TPTE2: variants seen among roughly 807,000 people sequenced by gnomAD.
The protein encoded by TPTE2 is phosphatidylinositol 3,4,5-trisphosphate 3-phosphatase TPTE2.
Under a neutral mutation model 78.6 loss-of-function variants are expected in TPTE2, and 53 were observed. That is an observed-to-expected ratio of 0.67 (90% confidence interval 0.54 to 0.85). The LOEUF (loss-of-function observed/expected upper bound fraction) is 0.85. Among genes scored for constraint, TPTE2 ranks in the 40% least tolerant of loss-of-function variants. The pLI, the probability that TPTE2 is intolerant of heterozygous loss-of-function variation, is 0.00. For missense variants in TPTE2, 461 were observed against 623.0 expected (o/e 0.74, Z 2.77); for synonymous variants, 175 against 206.2 (o/e 0.85, Z 1.30).
At chr13:19,426,840 G>A (rs889778541) in intron 17 of TPTE2, among the ~76,000 whole-genome samples, 6 of 151,904 alleles carry the variant, frequency 3.9e-5, no homozygotes, top group African/African-American at 1.2e-4. Context: ...AAGTAGCTGG[G>A]ACTATAGGCA....
chr13:19,561,402 G>C, the TPTE2 span: 1 of 445,690 alleles, frequency 2.2e-6, no homozygotes, highest in Non-Finnish European at 3.9e-6. Context: ...ACCTCCCGGG[G>C]CGCCGCGCCC....
intron 13 of TPTE2, among the ~76,000 whole-genome samples, chr13:19,442,369 T>C (rs1431195994): frequency 6.7e-6 from 1 of 149,142 alleles, no homozygotes; most frequent in Non-Finnish European, 1.5e-5. Flanking sequence ...TGGAACATAG[T>C]TTGAACTAAG....
chr13:19,466,605 T>C (rs1321719313), intron 7 of TPTE2, among the ~76,000 whole-genome samples: 1 of 152,210 alleles, frequency 6.6e-6, no homozygotes, highest in East Asian at 1.9e-4. Context: ...TGCCTAAGCT[T>C]TCTTTGTTTC....
chr13:19,506,716 A>G (rs1272017562), upstream of TPTE2, among the ~76,000 whole-genome samples: 2 of 152,238 alleles, frequency 1.3e-5, no homozygotes, highest in African/African-American at 4.8e-5. Context: ...ATTCTTCCTT[A>G]TAGCCTTCAT....
chr13:19,532,401 G>A (rs1203623466), intron 1 of TPTE2, among the ~76,000 whole-genome samples: 1 of 152,010 alleles, frequency 6.6e-6, no homozygotes, highest in African/African-American at 2.4e-5. Context: ...TTTTTCTTCT[G>A]CCTTCTGTTA....
intron 1 of TPTE2, among the ~76,000 whole-genome samples, chr13:19,494,740 T>C (rs373991123): frequency 3.0e-4 from 46 of 152,296 alleles, no homozygotes; most frequent in African/African-American, 1.1e-3. Flanking sequence ...CACCTGTCAC[T>C]GGGGGCTCTC....
At chr13:19,504,909 A>C (rs1008947913), upstream of TPTE2, among the ~76,000 whole-genome samples, 1 of 151,992 alleles carries the variant, frequency 6.6e-6, no homozygotes, top group African/African-American at 2.4e-5. Context: ...GTATATCTGC[A>C]CATACATTTC....
At chr13:19,499,346 ATTC>A (rs1413824608) in intron 1 of TPTE2, among the ~76,000 whole-genome samples, 1 of 152,072 alleles carries the variant, frequency 6.6e-6, no homozygotes, top group East Asian at 1.9e-4. Context: ...CAGAATATAC[ATTC>A]TTCTCAGCAC....
At chr13:19,458,624 T>A in intron 10 of TPTE2, 1 of 483,258 alleles carries the variant, frequency 2.1e-6, no homozygotes, top group East Asian at 5.7e-5. Context: ...ACCATGGAGA[T>A]TAGGCCCAGT....
chr13:19,431,135 A>G (rs1876566740), intron 16 of TPTE2, among the ~76,000 whole-genome samples: 1 of 151,934 alleles, frequency 6.6e-6, no homozygotes, highest in Non-Finnish European at 1.5e-5. Flanking sequence ...TCCAAAAAAA[A>G]AAAAAGAAAA....
intron 1 of TPTE2, among the ~76,000 whole-genome samples, chr13:19,521,719 A>T (rs958765518): frequency 5.3e-5 from 8 of 152,098 alleles, no homozygotes; most frequent in African/African-American, 1.9e-4. Context: ...TATGTAGTTC[A>T]TATTAATACC....
intron 3 of TPTE2, among the ~76,000 whole-genome samples, chr13:19,488,164 T>C (rs1373797789): frequency 6.6e-6 from 1 of 152,148 alleles, no homozygotes; most frequent in Non-Finnish European, 1.5e-5. Flanking sequence ...ATCTTAGACG[T>C]GTATTTGTTG....
intron 19 of TPTE2, among the ~76,000 whole-genome samples, chr13:19,423,408 T>C (rs1689962138): frequency 6.6e-6 from 1 of 152,204 alleles, no homozygotes; most frequent in African/African-American, 2.4e-5. Context: ...ATGGAATTAA[T>C]GACATCCAAG....
the TPTE2 span, among the ~76,000 whole-genome samples, chr13:19,545,538 A>G: frequency 6.6e-6 from 1 of 152,214 alleles, no homozygotes. Context: ...TCCCCCATCC[A>G]GTTCTCAGCA....
intron 10 of TPTE2, among the ~76,000 whole-genome samples, chr13:19,461,694 A>G (rs1428859782): frequency 6.6e-6 from 1 of 152,180 alleles, no homozygotes; most frequent in Non-Finnish European, 1.5e-5. Context: ...TGTTGGGTAC[A>G]TATATATTTA....
Position 19,425,903 on chromosome 13 carries a change from A to T in TPTE2, c.1395+522T>A, listed in dbSNP as rs138045117. 3.0e-3 allele frequency: 1,430 copies of T among 482,808 alleles called. 13 individuals are homozygous for T. Among genetic ancestry groups the T allele is most frequent in the African/African-American group, 0.025 (1,116 of 45,032 alleles). The allele number at this position is 482,808 out of a possible 1,614,324, so 29.9% of individuals were successfully genotyped here. On this transcript the variant is annotated intron_variant, in intron 18 of 19. Coordinates refer to ENST00000400230, the Ensembl canonical transcript of TPTE2. ...TGTGCTGCCTTCTCTGTTTCACCCA[A>T]CTGAGTCACCCAAACCTAACTCTTT...
rs187573853 is a variant in TPTE2 at position 19,441,257 on chromosome 13, G to A, written c.974-3104C>T. Among the ~76,000 whole-genome samples, 978 of 152,042 alleles carry A rather than the reference G, an allele frequency of 6.4e-3. 11 individuals carry two copies. Among genetic ancestry groups the A allele is most frequent in the African/African-American group, 0.023 (953 of 41,442 alleles). ...TCAAGGTGGCAATAATGGACCCTGG[G>A]GAGTTCTAGACGGGGCACAGCAGAA... On this transcript the variant is annotated intron_variant, in intron 13 of 19. Coordinates refer to ENST00000400230, the Ensembl canonical transcript of TPTE2.
intron 6 of TPTE2, among the ~76,000 whole-genome samples, chr13:19,470,252 T>C (rs944089789): frequency 6.6e-6 from 1 of 152,220 alleles, no homozygotes; most frequent in Non-Finnish European, 1.5e-5. Flanking sequence ...TGTTGAATTT[T>C]ATCAAATGCA....
chr13:19,470,109 T>C (rs563970385), intron 6 of TPTE2, among the ~76,000 whole-genome samples: 2 of 152,196 alleles, frequency 1.3e-5, no homozygotes, highest in Non-Finnish European at 2.9e-5. Context: ...GTGTTCTAGA[T>C]CACAGAGAAA....
Sources: gnomAD v4.1 joint callset for allele counts (sites outside exome capture counted in the v4.1 genomes callset) on GRCh38, gnomAD v4.1.1 for gene constraint, MANE v1.5 for transcripts, NCBI Gene and HGNC (gene_info 2026-07-23, HGNC 2026-07-21) for gene names.